LHFPL3: variants seen among roughly 807,000 people sequenced by gnomAD.
The protein encoded by LHFPL3 is LHFPL tetraspan subfamily member 3, also known as LHFPL tetraspan subfamily member 3 protein.
In LHFPL3, 5 loss-of-function variants were observed where a neutral mutation model predicts 19.3. That is an observed-to-expected ratio of 0.26 (90% CI 0.14 to 0.54). The LOEUF (loss-of-function observed/expected upper bound fraction) is 0.54. Among genes scored for constraint, LHFPL3 ranks in the 20% least tolerant of loss-of-function variants. The pLI, the probability that LHFPL3 is intolerant of heterozygous loss-of-function variation, is 0.94. For synonymous variants in LHFPL3, 133 were observed against 126.2 expected, an observed-to-expected ratio of 1.05 and a Z score of -0.36; for missense variants, 249 against 307.4, an observed-to-expected ratio of 0.81 and a Z score of 1.42.
chr7:104,498,304 G>A (rs965510052), intron 1 of LHFPL3, among the ~76,000 whole-genome samples: 1 of 152,082 alleles, frequency 6.6e-6, no homozygotes, highest in South Asian at 2.1e-4. Context: ...TCTACAAAAG[G>A]TTAGGACCCA....
chr7:104,474,449 G>A (rs148110291), intron 1 of LHFPL3, among the ~76,000 whole-genome samples: 2 of 152,114 alleles, frequency 1.3e-5, no homozygotes, highest in African/African-American at 4.8e-5. Flanking sequence ...CGCATCACGA[G>A]GTCAGGAGAT....
intron 2 of LHFPL3, among the ~76,000 whole-genome samples, chr7:104,832,620 C>T (rs1790975339): frequency 1.5e-5 from 1 of 65,138 alleles, no homozygotes; most frequent in Admixed American, 2.8e-4. Flanking sequence ...TTTCTTTTTT[C>T]CTTCTTTTTT....
intron 1 of LHFPL3, among the ~76,000 whole-genome samples, chr7:104,529,328 C>G (rs1198325038): frequency 6.6e-6 from 1 of 152,288 alleles, no homozygotes; most frequent in East Asian, 1.9e-4. Context: ...AGCTTCATCT[C>G]TTGCTACTTC....
intron 1 of LHFPL3, among the ~76,000 whole-genome samples, chr7:104,686,737 A>G (rs747767908): frequency 6.6e-6 from 1 of 152,168 alleles, no homozygotes; most frequent in Non-Finnish European, 1.5e-5. Flanking sequence ...GTTTATTTTC[A>G]CGCTGCTATG....
intron 2 of LHFPL3, among the ~76,000 whole-genome samples, chr7:104,831,050 G>A (rs1191108759): frequency 2.6e-5 from 4 of 151,812 alleles, no homozygotes; most frequent in Admixed American, 2.6e-4. Flanking sequence ...AAAAGGACTA[G>A]AAAGAATAAA....
intron 1 of LHFPL3, among the ~76,000 whole-genome samples, chr7:104,404,516 G>A (rs1190495812): frequency 4.6e-5 from 7 of 152,136 alleles, no homozygotes; most frequent in South Asian, 4.1e-4. Flanking sequence ...TACATTGAGA[G>A]GTAAAGTCTG....
chr7:104,373,218 T>C (rs1790647854), intron 1 of LHFPL3, among the ~76,000 whole-genome samples: 2 of 152,218 alleles, frequency 1.3e-5, no homozygotes, highest in African/African-American at 4.8e-5. Context: ...TGGTATATTC[T>C]GCTTTAAGCC....
At chr7:104,570,113 G>A (rs1554408749) in intron 1 of LHFPL3, among the ~76,000 whole-genome samples, 1 of 152,178 alleles carries the variant, frequency 6.6e-6, no homozygotes, top group Non-Finnish European at 1.5e-5. Context: ...TGTTATGAAA[G>A]CTATACTTTG....
At chr7:104,660,519 T>C (rs1009958008) in intron 1 of LHFPL3, among the ~76,000 whole-genome samples, 1 of 152,228 alleles carries the variant, frequency 6.6e-6, no homozygotes, top group Non-Finnish European at 1.5e-5. Flanking sequence ...TTCTATCAAG[T>C]GGATGCAGGA....
rs377085743 is a variant in LHFPL3 at position 104,356,322 on chromosome 7, G to T, written c.445+27098G>T. On this transcript the variant is annotated intron_variant, in intron 1 of 2. Transcript: ENST00000424859. ...GGCTGCCTCTGACCATACACCCAAA[G>T]AAAGGGGTAACAACTTTAACCCTTA... Among the ~76,000 whole-genome samples, 6 of 152,186 alleles carry T rather than the reference G, an allele frequency of 3.9e-5. No homozygotes were observed. The East Asian group carries it at 1.2e-3, about 29-fold the overall frequency.
chr7:104,597,542 C>A (rs1015960189), intron 1 of LHFPL3, among the ~76,000 whole-genome samples: 1 of 152,148 alleles, frequency 6.6e-6, no homozygotes, highest in Non-Finnish European at 1.5e-5. Flanking sequence ...CAAATAGATA[C>A]AGCCTGCCTC....
chr7:104,874,201 G>C (rs921786972), intron 2 of LHFPL3, among the ~76,000 whole-genome samples: 6 of 152,106 alleles, frequency 3.9e-5, no homozygotes, highest in African/African-American at 1.4e-4. Flanking sequence ...AATTAGTTTG[G>C]ACAAATCACA....
At chr7:104,730,257 C>T (rs991820288) in intron 1 of LHFPL3, among the ~76,000 whole-genome samples, 1 of 152,130 alleles carries the variant, frequency 6.6e-6, no homozygotes, top group Non-Finnish European at 1.5e-5. Flanking sequence ...TGGGTATATA[C>T]CCAGTAATGG....
intron 2 of LHFPL3, among the ~76,000 whole-genome samples, chr7:104,746,321 A>T (rs933835849): frequency 1.3e-5 from 2 of 152,086 alleles, no homozygotes; most frequent in Non-Finnish European, 2.9e-5. Flanking sequence ...CAAAAAAAAA[A>T]GTATTCCAGG....
intron 1 of LHFPL3, among the ~76,000 whole-genome samples, chr7:104,499,851 T>A (rs1217631758): frequency 6.6e-6 from 1 of 152,238 alleles, no homozygotes; most frequent in Non-Finnish European, 1.5e-5. Flanking sequence ...TTCCATTTAT[T>A]TCAGTTGTGC....
chr7:104,378,702 G>A (rs1790763769), intron 1 of LHFPL3, among the ~76,000 whole-genome samples: 1 of 152,136 alleles, frequency 6.6e-6, no homozygotes, highest in South Asian at 2.1e-4. Context: ...TTCCATGGGT[G>A]TACTGCAGTA....
chr7:104,738,398 A>T (rs909993567), intron 2 of LHFPL3, among the ~76,000 whole-genome samples: 1 of 152,194 alleles, frequency 6.6e-6, no homozygotes, highest in Non-Finnish European at 1.5e-5. Context: ...AGAATTCAAT[A>T]TTAGAACAAG....
chr7:104,893,273 G>C lies in LHFPL3; in HGVS notation c.683-12914G>C, dbSNP rs1002948256. Among the ~76,000 whole-genome samples, 21 of 152,016 alleles carry C rather than the reference G, an allele frequency of 1.4e-4. 3 individuals are homozygous for C. Among genetic ancestry groups the C allele is most frequent in the Admixed American group, 1.1e-3 (17 of 15,268 alleles). On this transcript the variant is annotated intron_variant, in intron 2 of 2. Transcript: ENST00000424859. ...TGACACCTGTAATCCCAGCACTTTG[G>C]GAGGCAGACGTGAGCTGATCACTTG... is the stretch of plus-strand genomic sequence containing the variant.
At chr7:104,432,990 G>A (rs1279008147) in intron 1 of LHFPL3, among the ~76,000 whole-genome samples, 3 of 152,060 alleles carry the variant, frequency 2.0e-5, no homozygotes, top group Admixed American at 2.0e-4. Flanking sequence ...AACCAATTCT[G>A]AAATTTTTTG....
Sources: gnomAD v4.1 joint callset for allele counts (sites outside exome capture counted in the v4.1 genomes callset) on GRCh38, gnomAD v4.1.1 for gene constraint, MANE v1.5 for transcripts, NCBI Gene and HGNC (gene_info 2026-07-23, HGNC 2026-07-21) for gene names.